HELQ: variants seen among roughly 807,000 people sequenced by gnomAD.
HELQ encodes the protein helicase, POLQ like, also known as helicase POLQ-like.
HELQ carries 77 observed loss-of-function variants against 111.6 expected under a neutral mutation model. The observed-to-expected ratio is 0.69, with a 90% CI of 0.57 to 0.83. HELQ has a LOEUF of 0.83. HELQ is among the 40% of genes least tolerant of loss of function. The pLI, the probability that HELQ is intolerant of heterozygous loss-of-function variation, is 0.00. For synonymous variants in HELQ, 438 were observed against 454.7 expected (o/e 0.96, Z 0.47); for missense variants, 1,200 against 1,288.5 (o/e 0.93, Z 1.05).
At chr4:83,421,848 T>G in intron 14 of HELQ, 112 bp from the exon 15 acceptor site, 1 of 749,968 alleles carries the variant, frequency 1.3e-6, no homozygotes, top group Admixed American at 2.7e-5. Context: ...AAGGATAGAA[T>G]AATTCCATAG....
At chr4:83,408,715 A>G (rs1019858903) in intron 17 of HELQ, among the ~76,000 whole-genome samples, 7 of 151,982 alleles carry the variant, frequency 4.6e-5, no homozygotes, top group Admixed American at 3.9e-4. Context: ...ACTCAGCCAA[A>G]ACCAGTTTCT....
Position 83,437,030 on chromosome 4 carries a change from C to T in HELQ, c.1876G>A (p.Gly626Ser), listed in dbSNP as rs771983043. The change falls in exon 9 of 18, where the codon GGC becomes AGC. Residue 626 changes from glycine (G) to serine (S), a missense_variant. Gly to Ser is a moderately conservative substitution (Grantham distance 56). Coordinates refer to ENST00000295488, the MANE Select transcript of HELQ (RefSeq NM_133636.5). Reference sequence around the variant, plus strand: ...CGCTTTAAAACAGGACACAGGTTGCCATTGCCAATATTCTTCAAGTTCTTA... The same window carrying T: ...CGCTTTAAAACAGGACACAGGTTGCTATTGCCAATATTCTTCAAGTTCTTA... ...VIKNLKNIGNGNLCPVLKRTI... is the reference protein window; with the variant it reads ...VIKNLKNIGNSNLCPVLKRTI... 2 of 1,613,864 alleles carry T rather than the reference C, an allele frequency of 1.2e-6. No individual in the cohort carries two copies. Among genetic ancestry groups the T allele is most frequent in the Non-Finnish European group, 1.7e-6 (2 of 1,179,938 alleles).
At chr4:83,451,876 G>C (rs1396167873) in intron 2 of HELQ, among the ~76,000 whole-genome samples, 2 of 152,194 alleles carry the variant, frequency 1.3e-5, no homozygotes, top group Non-Finnish European at 2.9e-5. Flanking sequence ...TTCTTGTAGA[G>C]TCTTTTATTA....
chr4:83,424,651 C>A (rs770870246), intron 14 of HELQ, among the ~76,000 whole-genome samples: 2 of 152,050 alleles, frequency 1.3e-5, no homozygotes, highest in African/African-American at 2.4e-5. Context: ...CTCTGCCTCC[C>A]AGATCACGTG....
At chr4:83,439,217 G>A (rs1321143151) in intron 8 of HELQ, among the ~76,000 whole-genome samples, 7 of 151,896 alleles carry the variant, frequency 4.6e-5, no homozygotes, top group Non-Finnish European at 7.4e-5. Context: ...ACAGGTGCAC[G>A]CCACCACACC....
intron 4 of HELQ, 105 bp downstream of exon 4, chr4:83,446,730 A>G: frequency 1.6e-6 from 1 of 640,444 alleles, no homozygotes; most frequent in Non-Finnish European, 2.6e-6. Flanking sequence ...AAATAAATTT[A>G]TTTTTATAGA....
chr4:83,454,305 A>C (rs937506641), intron 1 of HELQ, among the ~76,000 whole-genome samples: 1 of 152,336 alleles, frequency 6.6e-6, no homozygotes, highest in East Asian at 1.9e-4. Flanking sequence ...TCACAGACCT[A>C]TATGTAAATA....
chr4:83,452,145 TA>T (rs968701986), intron 2 of HELQ, among the ~76,000 whole-genome samples: 1 of 152,250 alleles, frequency 6.6e-6, no homozygotes, highest in African/African-American at 2.4e-5. Flanking sequence ...TCTTTGCACT[TA>T]AAACAAGTTT....
intron 1 of HELQ, 193 bp downstream of exon 1, chr4:83,455,204 C>A (rs1721688580): frequency 8.1e-7 from 1 of 1,241,826 alleles, no homozygotes; most frequent in Non-Finnish European, 1.1e-6. Context: ...GCGTGCACAA[C>A]TTTTATGTCT....
intron 17 of HELQ, among the ~76,000 whole-genome samples, chr4:83,416,520 T>G (rs1333797235): frequency 6.6e-6 from 1 of 152,148 alleles, no homozygotes; most frequent in South Asian, 2.1e-4. Context: ...CCACTGAAAT[T>G]TTCTTTATTT....
intron 2 of HELQ, among the ~76,000 whole-genome samples, chr4:83,449,987 T>C (rs1721261829): frequency 6.6e-6 from 1 of 151,498 alleles, no homozygotes; most frequent in Non-Finnish European, 1.5e-5. Context: ...GAAAGTAACC[T>C]AGTATAAAAT....
At chr4:83,438,283 G>A (rs567552080) in intron 8 of HELQ, among the ~76,000 whole-genome samples, 1 of 152,230 alleles carries the variant, frequency 6.6e-6, no homozygotes, top group Admixed American at 6.5e-5. Flanking sequence ...GGGACAAACA[G>A]GTGTATAAAA....
chr4:83,435,757 GCT>G (rs1720420355), intron 9 of HELQ, among the ~76,000 whole-genome samples: 1 of 152,042 alleles, frequency 6.6e-6, no homozygotes, highest in Non-Finnish European at 1.5e-5. Context: ...CTAAGGACAT[GCT>G]AAGCCTCTTT....
At chr4:83,409,881 G>C (rs989166548) in intron 17 of HELQ, among the ~76,000 whole-genome samples, 2 of 151,982 alleles carry the variant, frequency 1.3e-5, no homozygotes, top group African/African-American at 4.8e-5. Context: ...GGTGTCCATA[G>C]AAAAACAGAT....
intron 6 of HELQ, 34 bp downstream of exon 6, chr4:83,443,483 A>G: frequency 3.1e-6 from 3 of 963,082 alleles, no homozygotes; most frequent in Non-Finnish European, 4.8e-6. Flanking sequence ...TGAATACGAA[A>G]CAAATCAATA....
rs144074890 is a variant in HELQ at position 83,441,237 on chromosome 4, T to C, written c.1662+68A>G. On this transcript the variant is annotated intron_variant, in intron 7 of 17. Coordinates refer to ENST00000295488, the MANE Select transcript of HELQ (RefSeq NM_133636.5). ...AATCTAGACTATTCTACGGAATCCA[T>C]TGGAAACTCTTGTTGTGCCCCAGAC... is the stretch of plus-strand genomic sequence containing the variant. 74 of 846,324 alleles carry C rather than the reference T, an allele frequency of 8.7e-5. No homozygotes were observed. The East Asian group carries it at 1.4e-3, about 17-fold the overall frequency. The allele number at this position is 846,324 out of a possible 1,614,324, so 52.4% of individuals were successfully genotyped here. A position where few individuals can be genotyped will look rare whatever the true frequency, so the allele number is the denominator to read the frequency against.
Position 83,421,666 on chromosome 4 carries a change from T to C in HELQ, c.2846A>G (p.Asn949Ser), listed in dbSNP as rs753313889. 5.6e-6 allele frequency: 9 copies of C among 1,613,394 alleles called. No homozygotes were observed. The change falls in exon 15 of 18, where the codon AAC (asparagine) becomes AGC (serine). Residue 949 changes from asparagine (N) to serine (S), a missense_variant. Transcript: ENST00000295488. ...AAATTTTTCAGATACAGTCCAAATG[T>C]TGGTCTCTTTGAGCAAGGTATAAAG... ...FVLYTLLKETNIWTVSEKFNM... is the reference protein window; with the variant it reads ...FVLYTLLKETSIWTVSEKFNM...
chr4:83,433,308 A>G (rs1186037585), intron 9 of HELQ, among the ~76,000 whole-genome samples: 1 of 152,206 alleles, frequency 6.6e-6, no homozygotes, highest in Non-Finnish European at 1.5e-5. Context: ...GGATCAGAAG[A>G]GAACTTTTAA....
At chr4:83,450,468 C>A (rs370550625) in intron 2 of HELQ, among the ~76,000 whole-genome samples, 3 of 151,342 alleles carry the variant, frequency 2.0e-5, no homozygotes, top group East Asian at 1.9e-4. Flanking sequence ...TGAATATTTT[C>A]TTTAAAAATA....
Sources: allele counts gnomAD v4.1 joint callset (sites outside exome capture counted in the v4.1 genomes callset), GRCh38; gene constraint gnomAD v4.1.1; transcripts MANE v1.5; gene names NCBI Gene and HGNC (gene_info 2026-07-23, HGNC 2026-07-21).